The following EPG5 variants were observed in gnomAD, a reference collection of about 807,000 sequenced individuals.
EPG5 encodes the protein ectopic P-granules 5 autophagy tethering factor.
Under a neutral mutation model 302.7 loss-of-function variants are expected in EPG5, and 159 were observed. The ratio of observed to expected loss-of-function variants is 0.53; its 90% CI spans 0.46 to 0.60. EPG5 has a LOEUF of 0.60. EPG5 is among the 20% of genes least tolerant of loss of function. EPG5 has a pLI of 0.00. For missense variants in EPG5, 2,896 were observed against 3,092.4 expected (o/e 0.94, Z 1.51); for synonymous variants, 1,158 against 1,136.8 (o/e 1.02, Z -0.37).
At chr18:45,967,121 GAGC>G in intron 1 of EPG5, 53 bp downstream of exon 1, 1 of 1,522,536 alleles carries the variant, frequency 6.6e-7, no homozygotes. Flanking sequence ...CCGAAGAGAG[GAGC>G]AAGGAGACAC....
chr18:45,887,607 G>A (rs1599496369), intron 29 of EPG5, 144 bp downstream of exon 29: 1 of 561,068 alleles, frequency 1.8e-6, no homozygotes, highest in East Asian at 3.4e-5. Context: ...ATTTTGAGAA[G>A]CCTACAACTC....
intron 11 of EPG5, among the ~76,000 whole-genome samples, chr18:45,932,629 C>A (rs889659139): frequency 5.9e-5 from 9 of 152,082 alleles, no homozygotes; most frequent in African/African-American, 1.9e-4. Flanking sequence ...ATCAAGCCTC[C>A]TAACAAAATT....
At chr18:45,960,277 A>T (rs1301226421) in intron 1 of EPG5, among the ~76,000 whole-genome samples, 9 of 152,174 alleles carry the variant, frequency 5.9e-5, no homozygotes, top group Admixed American at 5.9e-4. Flanking sequence ...TTTAAAAAAA[A>T]ATCAGAGACA....
At chr18:45,826,140 G>C in the EPG5 span, among the ~76,000 whole-genome samples, 1 of 152,226 alleles carries the variant, frequency 6.6e-6, no homozygotes, top group Admixed American at 6.5e-5. Context: ...CCCAAGTGCC[G>C]TGTGTTTTGA....
intron 16 of EPG5, among the ~76,000 whole-genome samples, chr18:45,920,412 C>T (rs1413943338): frequency 6.6e-6 from 1 of 152,120 alleles, no homozygotes; most frequent in Non-Finnish European, 1.5e-5. Flanking sequence ...GCTCATCAGC[C>T]TAGGATGTTG....
Position 45,938,461 on chromosome 18 carries a change from C to CAA in EPG5, c.2099+1137_2099+1138dup, listed in dbSNP as rs201985053. 7.1e-3 allele frequency among the ~76,000 whole-genome samples: 627 copies of CAA among 88,592 alleles called. 5 individuals are homozygous for CAA. The highest frequency in any genetic ancestry group is 0.02 in the African/African-American group (538 of 26,290). The allele number at this position is 88,592 out of a possible 152,430, so 58.1% of individuals were successfully genotyped here. A position where few individuals can be genotyped will look rare whatever the true frequency, so the allele number is the denominator to read the frequency against. ...TGGGCAACAAAGTGAGACTCCATCT[C>CAA]AAAAAAAAAAAAAAAAAGATAAATT... is the stretch of plus-strand genomic sequence containing the variant. On this transcript the variant is annotated intron_variant, in intron 10 of 43. Transcript: ENST00000282041.
Position 45,908,079 on chromosome 18 carries a change from A to G in EPG5, c.4208T>C (p.Leu1403Pro), listed in dbSNP as rs1599546471. 1 of 1,512,618 alleles carries G rather than the reference A, an allele frequency of 6.6e-7. No individual in the cohort carries two copies. The highest frequency in any genetic ancestry group is 9.0e-7 in the Non-Finnish European group (1 of 1,114,456). 93.7% of individuals were successfully genotyped at this position (1,512,618 alleles called of 1,614,324 possible). ...SPELHKELVR[L>P]FNVYILWLED... The stretch of plus-strand genomic sequence containing the variant: ...TAGCCATAATATATATACATTGAAG[A>G]GCCTAAAAGATAAAAACATAATTAT... The change falls in exon 24 of 44, where the codon CTC becomes CCC. Residue 1403 changes from leucine (L) to proline (P), a missense_variant and splice_region_variant. By Grantham distance (98) the Leu-to-Pro change is moderately conservative (BLOSUM62 -3). This residue lies in a region of EPG5 where 790 missense variants were observed against 798.0 expected (regional missense o/e 0.99). Coordinates refer to ENST00000282041, the MANE Select transcript of EPG5 (RefSeq NM_020964.3).
intron 9 of EPG5, among the ~76,000 whole-genome samples, chr18:45,940,803 A>T (rs904353197): frequency 1.3e-5 from 2 of 152,214 alleles, no homozygotes; most frequent in Admixed American, 1.3e-4. Flanking sequence ...AATGTGGGGT[A>T]TAAAAGAAAG....
chr18:45,823,954 G>A, the EPG5 span, among the ~76,000 whole-genome samples: 1 of 152,358 alleles, frequency 6.6e-6, no homozygotes, highest in East Asian at 1.9e-4. Flanking sequence ...ATATCTGGGG[G>A]AGGAGAGGAA....
chr18:45,872,263 G>A (rs1433541258), intron 35 of EPG5, among the ~76,000 whole-genome samples: 7 of 152,032 alleles, frequency 4.6e-5, no homozygotes, highest in Admixed American at 1.3e-4. Context: ...TGCCTTCAAG[G>A]GCTAATGACT....
intron 17 of EPG5, 52 bp from the exon 18 acceptor site, chr18:45,916,634 A>G (rs2050040288): frequency 6.7e-7 from 1 of 1,487,776 alleles, no homozygotes. Context: ...AACTCAACAG[A>G]ATTTTCCCTA....
rs1171510701 is a variant in EPG5 at position 45,913,736 on chromosome 18, G to A, written c.3786C>T (p.Asn1262=). ...RRVIEGELVI[N]SAFTPDQALK... ...GAGCTTGGTCAGGGGTGAAAGCAGA[G>A]TTTATCACCAATTCCCCTTCAATAA... Residue 1262 remains asparagine, a synonymous_variant, in exon 21 of 44, where the codon AAC becomes AAT. Coordinates refer to ENST00000282041, the MANE Select transcript of EPG5 (RefSeq NM_020964.3). 2 of 1,614,034 alleles carry A rather than the reference G, an allele frequency of 1.2e-6. No homozygotes were observed. Among genetic ancestry groups the A allele is most frequent in the African/African-American group, 1.3e-5 (1 of 74,936 alleles).
At chr18:45,825,123 G>A in the EPG5 span, among the ~76,000 whole-genome samples, 3 of 138,198 alleles carry the variant, frequency 2.2e-5, no homozygotes, top group African/African-American at 7.8e-5. Context: ...TTTGAGAAGG[G>A]AGGTAGGAAA....
At chr18:45,859,687 T>A (rs762184333) in intron 40 of EPG5, among the ~76,000 whole-genome samples, 12 of 152,304 alleles carry the variant, frequency 7.9e-5, no homozygotes, top group Non-Finnish European at 1.6e-4. Context: ...AAAACTTCTA[T>A]GAAAACTCCT....
chr18:45,868,376 T>C (rs1404830139), intron 36 of EPG5, among the ~76,000 whole-genome samples: 3 of 151,490 alleles, frequency 2.0e-5, no homozygotes, highest in Non-Finnish European at 4.4e-5. Context: ...TCACTCTTGT[T>C]ACCCAGATTG....
the EPG5 span, among the ~76,000 whole-genome samples, chr18:45,812,828 C>A: frequency 6.6e-6 from 1 of 152,108 alleles, no homozygotes; most frequent in Admixed American, 6.6e-5. Flanking sequence ...AAAAGAAAAC[C>A]TAGGCAATAC....
chr18:45,869,626 C>T (rs961235430), intron 36 of EPG5, among the ~76,000 whole-genome samples: 8 of 152,184 alleles, frequency 5.3e-5, no homozygotes, highest in African/African-American at 1.7e-4. Context: ...TAATGCCCGT[C>T]TCATATACTA....
chr18:45,857,587 C>A (rs28583191), intron 42 of EPG5: 266 of 381,590 alleles, frequency 7.0e-4, no homozygotes, highest in African/African-American at 5.0e-3. Flanking sequence ...AGTTAGGTTA[C>A]AAAGTCCAAA....
chr18:45,937,384 A>G (rs2050560803), intron 10 of EPG5, among the ~76,000 whole-genome samples: 2 of 151,346 alleles, frequency 1.3e-5, no homozygotes, highest in Non-Finnish European at 2.9e-5. Flanking sequence ...ATATATACAC[A>G]CACACATATA....
Sources: allele counts gnomAD v4.1 joint callset (sites outside exome capture counted in the v4.1 genomes callset), GRCh38; gene constraint gnomAD v4.1.1; regional missense constraint gnomAD v4.1.1; transcripts MANE v1.5; gene names NCBI Gene and HGNC (gene_info 2026-07-23, HGNC 2026-07-21).